The following ACCSL variants were observed in gnomAD, a reference collection of about 807,000 sequenced individuals.
The protein encoded by ACCSL is 1-aminocyclopropane-1-carboxylate synthase homolog (inactive) like, also known as probable inactive 1-aminocyclopropane-1-carboxylate synthase-like protein 2.
ACCSL carries 55 observed loss-of-function variants against 61.7 expected under a neutral mutation model. That is an observed-to-expected ratio of 0.89 (90% CI 0.72 to 1.12). The LOEUF is 1.12. Ranked by LOEUF, ACCSL falls within the 50% of genes most tolerant of loss-of-function variation. ACCSL has a pLI of 0.00. For synonymous variants in ACCSL, 258 were observed against 264.3 expected (o/e 0.98, Z 0.23); for missense variants, 632 against 698.0 (o/e 0.91, Z 1.07).
At chr11:44,056,006 A>G (rs1273056426) in intron 9 of ACCSL, 34 bp from the exon 10 acceptor site, 19 of 1,613,112 alleles carry the variant, frequency 1.2e-5, no homozygotes, top group Non-Finnish European at 1.5e-5. Flanking sequence ...CTATTTCTCT[A>G]TAACCTTAGT....
the ACCSL span, among the ~76,000 whole-genome samples, chr11:44,019,264 A>C: frequency 1.3e-5 from 2 of 152,206 alleles, no homozygotes; most frequent in African/African-American, 4.8e-5. Flanking sequence ...TTGCCTGCAC[A>C]TATGTTTCAA....
At chr11:44,008,087 C>T in the ACCSL span, among the ~76,000 whole-genome samples, 1 of 152,148 alleles carries the variant, frequency 6.6e-6, no homozygotes, top group East Asian at 1.9e-4. Context: ...GCTTCTGTGT[C>T]ATTGTCCCCA....
the ACCSL span, among the ~76,000 whole-genome samples, chr11:43,961,384 T>C: frequency 1.3e-5 from 2 of 152,198 alleles, no homozygotes; most frequent in Admixed American, 1.3e-4. Flanking sequence ...GGGGACAAGA[T>C]TAAATTATAT....
At position 44,050,241 on chromosome 11, in the gene ACCSL, A is replaced by G. The variant is rs878948213; in HGVS notation, c.564+120A>G. ...AGGAGCCTGGGAAGAGGAGTGAAGAAATAGCTTCTAGAATAGCACATTTAA... is the reference window on the plus strand; with the variant it reads ...AGGAGCCTGGGAAGAGGAGTGAAGAGATAGCTTCTAGAATAGCACATTTAA... On this transcript the variant is annotated intron_variant, in intron 2 of 13. Coordinates refer to ENST00000378832, the MANE Select transcript of ACCSL (RefSeq NM_001031854.2). 9.1e-5 allele frequency: 78 copies of G among 856,188 alleles called. 1 individual carries two copies. The South Asian group carries it at 1.0e-3, about 11-fold the overall frequency. The allele number at this position is 856,188 out of a possible 1,614,324, so 53.0% of individuals were successfully genotyped here.
At chr11:43,942,763 G>A in the ACCSL span, 2 of 254,302 alleles carry the variant, frequency 7.9e-6, no homozygotes, top group East Asian at 2.1e-4. Flanking sequence ...GGGCCCGCGA[G>A]GGCCGCCGCC....
the ACCSL span, among the ~76,000 whole-genome samples, chr11:44,032,498 A>G: frequency 6.6e-6 from 1 of 152,134 alleles, no homozygotes; most frequent in Non-Finnish European, 1.5e-5. Flanking sequence ...GGATGAAATA[A>G]CATTGCCAAG....
At chr11:44,020,135 T>C in the ACCSL span, among the ~76,000 whole-genome samples, 1 of 152,270 alleles carries the variant, frequency 6.6e-6, no homozygotes, top group Non-Finnish European at 1.5e-5. Flanking sequence ...TCTAGTACCA[T>C]ATGGTCTTGA....
chr11:43,997,194 A>G, the ACCSL span, among the ~76,000 whole-genome samples: 1 of 152,116 alleles, frequency 6.6e-6, no homozygotes, highest in Non-Finnish European at 1.5e-5. Context: ...AGACCAATTA[A>G]ATTAGAATCT....
chr11:44,023,175 C>T, the ACCSL span, among the ~76,000 whole-genome samples: 2 of 151,716 alleles, frequency 1.3e-5, no homozygotes, highest in Non-Finnish European at 2.9e-5. Flanking sequence ...CCTCAGCCTC[C>T]CAAGTAGCTG....
the ACCSL span, among the ~76,000 whole-genome samples, chr11:43,975,114 T>C: frequency 6.6e-6 from 1 of 152,214 alleles, no homozygotes; most frequent in Admixed American, 6.5e-5. Context: ...ATAGTGTTAG[T>C]GACAATCTAA....
chr11:44,052,713 G>A lies in ACCSL; in HGVS notation c.824G>A (p.Arg275His), dbSNP rs748949652. ...PFYGGFAFSSRLYAKVELIPV... is the reference protein window; with the variant it reads ...PFYGGFAFSSHLYAKVELIPV... ...TATGGTGGCTTTGCCTTTAGCTCCCGCCTGTATGCAAAGGTTGAGTTGATT... is the reference window on the plus strand; with the variant it reads ...TATGGTGGCTTTGCCTTTAGCTCCCACCTGTATGCAAAGGTTGAGTTGATT... The change falls in exon 6 of 14, where the codon CGC (arginine) becomes CAC (histidine). Residue 275 changes from arginine to histidine, a missense_variant. Arg to His is a conservative substitution (Grantham distance 29, BLOSUM62 0). Transcript: ENST00000378832. The A allele has an allele frequency of 1.4e-5, 22 of 1,613,954 alleles. No homozygotes were observed. The highest frequency in any genetic ancestry group is 1.1e-4 in the East Asian group (5 of 44,882).
At chr11:44,028,669 A>G in the ACCSL span, among the ~76,000 whole-genome samples, 1 of 152,136 alleles carries the variant, frequency 6.6e-6, no homozygotes. Flanking sequence ...TTCTGCACCC[A>G]AATCCTGGAT....
chr11:43,969,140 G>A, the ACCSL span, among the ~76,000 whole-genome samples: 1 of 152,154 alleles, frequency 6.6e-6, no homozygotes. Context: ...CTTGAGGTCA[G>A]AAGTTCGAGC....
chr11:44,058,243 G>C, intron 11 of ACCSL, 74 bp from the exon 12 acceptor site: 1 of 1,511,322 alleles, frequency 6.6e-7, no homozygotes, highest in Non-Finnish European at 9.1e-7. Flanking sequence ...CCCAGGAAGG[G>C]AGCATTTGGG....
At chr11:44,025,579 A>G in the ACCSL span, among the ~76,000 whole-genome samples, 3 of 151,914 alleles carry the variant, frequency 2.0e-5, no homozygotes, top group Non-Finnish European at 4.4e-5. Context: ...AGATAGTAAA[A>G]TAAGAGTTAT....
At chr11:43,962,894 A>G in the ACCSL span, among the ~76,000 whole-genome samples, 1 of 152,236 alleles carries the variant, frequency 6.6e-6, no homozygotes, top group Non-Finnish European at 1.5e-5. Flanking sequence ...CACCCACTTC[A>G]GATGAGGATA....
chr11:43,940,358 C>CT, the ACCSL span, among the ~76,000 whole-genome samples: 1,872 of 142,190 alleles, frequency 0.013, 17 homozygotes, highest in East Asian at 0.051. Flanking sequence ...GAAATTATAT[C>CT]TTTTTTTTTT....
the ACCSL span, among the ~76,000 whole-genome samples, chr11:43,991,548 C>T: frequency 6.6e-6 from 1 of 152,162 alleles, no homozygotes; most frequent in Non-Finnish European, 1.5e-5. Flanking sequence ...AATCCCAGCA[C>T]TTTGGGAGGC....
At chr11:43,934,573 T>C in the ACCSL span, among the ~76,000 whole-genome samples, 4 of 152,114 alleles carry the variant, frequency 2.6e-5, no homozygotes, top group Non-Finnish European at 5.9e-5. Context: ...GGAATAATCA[T>C]CACCTCATTC....
Sources: gnomAD v4.1 joint callset for allele counts (sites outside exome capture counted in the v4.1 genomes callset) on GRCh38, gnomAD v4.1.1 for gene constraint, MANE v1.5 for transcripts, NCBI Gene and HGNC (gene_info 2026-07-23, HGNC 2026-07-21) for gene names.